RYK: variants seen among roughly 807,000 people sequenced by gnomAD.
RYK encodes receptor like tyrosine kinase, also known as inactive tyrosine-protein kinase RYK.
Under a neutral mutation model 70.2 loss-of-function variants are expected in RYK, and 21 were observed. The observed-to-expected ratio is 0.30, with a 90% CI of 0.21 to 0.43. The LOEUF (loss-of-function observed/expected upper bound fraction) is 0.43, where lower values mean the gene tolerates loss of function less well. Among genes scored for constraint, RYK ranks in the 20% least tolerant of loss-of-function variants. The pLI is 1.00. For synonymous variants in RYK, 267 were observed against 278.0 expected, an observed-to-expected ratio of 0.96 and a Z score of 0.39; for missense variants, 604 against 753.3, an observed-to-expected ratio of 0.80 and a Z score of 2.32.
chr3:134,236,651 C>A (rs2015206732), intron 1 of RYK, among the ~76,000 whole-genome samples: 1 of 152,162 alleles, frequency 6.6e-6, no homozygotes. Flanking sequence ...TTGGAGGACT[C>A]ACACTTCCTG....
At chr3:134,176,722 G>A (rs889182808) in intron 11 of RYK, among the ~76,000 whole-genome samples, 2 of 151,884 alleles carry the variant, frequency 1.3e-5, no homozygotes, top group African/African-American at 2.4e-5. Flanking sequence ...CTCTACCCTT[G>A]GTGACTGAGA....
intron 2 of RYK, among the ~76,000 whole-genome samples, chr3:134,212,291 C>A (rs9839819): frequency 0.14 from 21,936 of 152,172 alleles, 1,942 homozygotes; most frequent in East Asian, 0.47. Context: ...CAGAACCAAT[C>A]AGCATCAATA....
chr3:134,159,383 G>A lies in RYK; in HGVS notation c.1576-10C>T. On this transcript the variant is annotated splice_polypyrimidine_tract_variant and intron_variant, in intron 13 of 14. Coordinates refer to ENST00000623711, the MANE Select transcript of RYK (RefSeq NM_002958.4). The stretch of plus-strand genomic sequence containing the variant: ...TCACTCCAAAGGCCCACTAGTAAAG[G>A]AGCAGAAGCACAATGAGGGGACATT... 1 of 1,585,208 alleles carries A rather than the reference G, an allele frequency of 6.3e-7. No homozygotes were observed. Among genetic ancestry groups the A allele is most frequent in the Non-Finnish European group, 8.6e-7 (1 of 1,164,940 alleles).
At chr3:134,175,479 C>T (rs755703055) in intron 13 of RYK, 130 bp downstream of exon 13, 70 of 1,071,420 alleles carry the variant, frequency 6.5e-5, no homozygotes, top group Non-Finnish European at 9.4e-5. Flanking sequence ...ATTACACTTG[C>T]TTTCTGGATA....
At chr3:134,211,200 A>G (rs1043782024) in intron 3 of RYK, among the ~76,000 whole-genome samples, 7 of 152,176 alleles carry the variant, frequency 4.6e-5, no homozygotes, top group Non-Finnish European at 5.9e-5. Context: ...CATCTGGGCC[A>G]CAGGGTGAAA....
intron 10 of RYK, among the ~76,000 whole-genome samples, chr3:134,182,153 T>G (rs1480823652): frequency 7.1e-6 from 1 of 141,114 alleles, no homozygotes; most frequent in Non-Finnish European, 1.5e-5. Flanking sequence ...AGACTCTGTC[T>G]CCAAAAAAAA....
chr3:134,173,538 A>G (rs2012996070), intron 13 of RYK, among the ~76,000 whole-genome samples: 1 of 152,202 alleles, frequency 6.6e-6, no homozygotes, highest in African/African-American at 2.4e-5. Flanking sequence ...CCTTCCTCAC[A>G]GGGTGGCAGG....
At chr3:134,160,413 A>AT (rs2012419663) in intron 13 of RYK, among the ~76,000 whole-genome samples, 1 of 151,916 alleles carries the variant, frequency 6.6e-6, no homozygotes, top group Non-Finnish European at 1.5e-5. Context: ...AAATCTAAAC[A>AT]TGTTGCATTA....
intron 1 of RYK, among the ~76,000 whole-genome samples, chr3:134,243,572 G>A (rs370298490): frequency 2.0e-5 from 3 of 152,138 alleles, no homozygotes; most frequent in African/African-American, 7.2e-5. Context: ...GGCGCTCCAT[G>A]GCTTTGCTAA....
chr3:134,178,128 C>T, intron 10 of RYK, 55 bp from the exon 11 acceptor site: 1 of 1,235,400 alleles, frequency 8.1e-7, no homozygotes, highest in Non-Finnish European at 1.1e-6. Flanking sequence ...ATGTTAGGGG[C>T]TTACTTCTAA....
At position 134,211,752 on chromosome 3, in the gene RYK, A is replaced by G. The variant is rs1485781164; in HGVS notation, c.355-145T>C. 8.0e-6 allele frequency: 5 copies of G among 621,490 alleles called. No individual in the cohort carries two copies. The East Asian group carries it at 8.4e-5, about 10-fold the overall frequency. The allele number at this position is 621,490 out of a possible 1,614,324, so 38.5% of individuals were successfully genotyped here. Reference sequence around the variant, plus strand: ...TAGCTATAAAAAAATGCAAATTGTCAGAAACAGTCCTAAGAATTTTCAATT... The same window carrying G: ...TAGCTATAAAAAAATGCAAATTGTCGGAAACAGTCCTAAGAATTTTCAATT... On this transcript the variant is annotated intron_variant, in intron 2 of 14. Transcript: ENST00000623711.
chr3:134,203,164 A>G (rs2014081653), intron 5 of RYK, among the ~76,000 whole-genome samples: 1 of 152,148 alleles, frequency 6.6e-6, no homozygotes, highest in Admixed American at 6.5e-5. Flanking sequence ...CCTGGCCAAT[A>G]TGGTGAAACC....
At chr3:134,163,564 A>G (rs1338495919) in intron 13 of RYK, among the ~76,000 whole-genome samples, 4 of 152,230 alleles carry the variant, frequency 2.6e-5, no homozygotes, top group East Asian at 1.9e-4. Flanking sequence ...ACTAAAACAT[A>G]TATGAATGTG....
chr3:134,218,973 T>C (rs936922225), intron 2 of RYK, among the ~76,000 whole-genome samples: 2 of 152,098 alleles, frequency 1.3e-5, no homozygotes, highest in South Asian at 2.1e-4. Context: ...GACATGAAAA[T>C]AGTCATACCC....
intron 1 of RYK, among the ~76,000 whole-genome samples, chr3:134,245,670 G>A (rs941087206): frequency 6.6e-6 from 1 of 152,108 alleles, no homozygotes; most frequent in Non-Finnish European, 1.5e-5. Context: ...AGTGACAGGA[G>A]AACTGTAGCC....
At chr3:134,194,890 T>A (rs896268179) in intron 7 of RYK, among the ~76,000 whole-genome samples, 192 bp downstream of exon 7, 1 of 152,212 alleles carries the variant, frequency 6.6e-6, no homozygotes, top group African/African-American at 2.4e-5. Context: ...TTAAATTTCA[T>A]TTTTGATACC....
chr3:134,208,004 T>A (rs1205388223), intron 4 of RYK, among the ~76,000 whole-genome samples: 1 of 152,080 alleles, frequency 6.6e-6, no homozygotes, highest in Non-Finnish European at 1.5e-5. Flanking sequence ...ATAAATACAT[T>A]AGGATCACAT....
At chr3:134,170,056 C>G (rs1042804435) in intron 13 of RYK, among the ~76,000 whole-genome samples, 1 of 152,142 alleles carries the variant, frequency 6.6e-6, no homozygotes, top group Non-Finnish European at 1.5e-5. Flanking sequence ...AGGACTTTTA[C>G]ACGAACAGTC....
At chr3:134,172,269 T>G (rs1228099081) in intron 13 of RYK, among the ~76,000 whole-genome samples, 1 of 152,232 alleles carries the variant, frequency 6.6e-6, no homozygotes, top group African/African-American at 2.4e-5. Context: ...TTCACTTTTC[T>G]ACATTTAAAA....
Sources: gnomAD v4.1 joint callset for allele counts (sites outside exome capture counted in the v4.1 genomes callset) on GRCh38, gnomAD v4.1.1 for gene constraint, MANE v1.5 for transcripts, NCBI Gene and HGNC (gene_info 2026-07-23, HGNC 2026-07-21) for gene names.